The following PFDN2 variants were observed in gnomAD, a reference collection of about 807,000 sequenced individuals.
PFDN2 encodes the protein prefoldin 2.
PFDN2 carries 7 observed loss-of-function variants against 18.3 expected under a neutral mutation model. That is an observed-to-expected ratio of 0.38 (90% CI 0.22 to 0.72). PFDN2 has a LOEUF of 0.72. PFDN2 is among the 30% of genes least tolerant of loss of function. The pLI is 0.47. For missense variants in PFDN2, 181 were observed against 199.1 expected, an observed-to-expected ratio of 0.91 and a Z score of 0.55; for synonymous variants, 76 against 75.0, an observed-to-expected ratio of 1.01 and a Z score of -0.07.
rs772160399 is a variant in PFDN2 at position 161,102,326 on chromosome 1, G to T, written c.125C>A (p.Ser42Tyr). Reference protein sequence around the residue: ...RLRQEQRGLASKAAELEMELN... With the variant: ...RLRQEQRGLAYKAAELEMELN... ...CTCCATCTCCAACTCAGCTGCTTTG[G>T]ATGCCAGGCCTCGCTGTTCCTGCCG... Residue 42 changes from serine to tyrosine, a missense_variant, in exon 2 of 4, where the codon TCC becomes TAC. Transcript: ENST00000368010. The T allele has an allele frequency of 6.2e-7, 1 of 1,614,186 alleles. No individual in the cohort carries two copies. The highest frequency in any genetic ancestry group is 8.5e-7 in the Non-Finnish European group (1 of 1,180,026).
chr1:161,115,662 G>C (rs899839269), intron 1 of PFDN2, among the ~76,000 whole-genome samples: 16 of 152,276 alleles, frequency 1.1e-4, no homozygotes, highest in African/African-American at 3.6e-4. Context: ...CACAAGAAGG[G>C]TGAGTACAGT....
intron 1 of PFDN2, among the ~76,000 whole-genome samples, chr1:161,112,734 C>T (rs1458124044): frequency 6.6e-6 from 1 of 152,180 alleles, no homozygotes; most frequent in East Asian, 1.9e-4. Flanking sequence ...CAATAGTCTT[C>T]TAAATGATCC....
chr1:161,105,414 C>A (rs763514772), intron 1 of PFDN2, among the ~76,000 whole-genome samples: 3 of 152,186 alleles, frequency 2.0e-5, no homozygotes, highest in Non-Finnish European at 4.4e-5. Flanking sequence ...CCATGCCCAG[C>A]AGAATTTATT....
chr1:161,103,683 C>CAAAAAAAAAAAAAAAAAAAAAAAA (rs553472563), intron 1 of PFDN2, among the ~76,000 whole-genome samples: 2 of 74,914 alleles, frequency 2.7e-5, no homozygotes, highest in Non-Finnish European at 2.5e-5. Context: ...GACTCCGTCT[C>CAAAAAAAAAAAAAAAAAAAAAAAA]AAAAAAAAAA....
chr1:161,104,114 C>A (rs1654633167), intron 1 of PFDN2, among the ~76,000 whole-genome samples: 1 of 152,160 alleles, frequency 6.6e-6, no homozygotes, highest in Non-Finnish European at 1.5e-5. Flanking sequence ...TGGATTAACC[C>A]CTTTAAGCCT....
At chr1:161,106,736 A>T (rs1244742952) in intron 1 of PFDN2, among the ~76,000 whole-genome samples, 1 of 152,202 alleles carries the variant, frequency 6.6e-6, no homozygotes, top group Non-Finnish European at 1.5e-5. Context: ...TCCTGGGCTC[A>T]AGTGATCCTC....
chr1:161,110,327 C>A (rs1214457110), intron 1 of PFDN2, among the ~76,000 whole-genome samples: 1 of 152,084 alleles, frequency 6.6e-6, no homozygotes. Context: ...CACCACTGCA[C>A]TCCAGCCTGG....
intron 3 of PFDN2, among the ~76,000 whole-genome samples, chr1:161,101,781 TCTCA>T (rs1400797567): frequency 4.6e-5 from 7 of 151,286 alleles, no homozygotes; most frequent in Non-Finnish European, 3.0e-5. Flanking sequence ...TGAGACAGGG[TCTCA>T]CTCTGTCACC....
chr1:161,103,546 G>A (rs1331336325), intron 1 of PFDN2, among the ~76,000 whole-genome samples: 3 of 151,600 alleles, frequency 2.0e-5, no homozygotes, highest in South Asian at 2.1e-4. Flanking sequence ...AAAATTAGCC[G>A]GGCATGGTGG....
chr1:161,103,142 C>T (rs1654605875), intron 1 of PFDN2, among the ~76,000 whole-genome samples: 1 of 152,006 alleles, frequency 6.6e-6, no homozygotes, highest in Admixed American at 6.6e-5. Context: ...GGCTACTAAC[C>T]ACATGACCCC....
At chr1:161,111,570 A>G (rs1571188027) in intron 1 of PFDN2, among the ~76,000 whole-genome samples, 1 of 152,318 alleles carries the variant, frequency 6.6e-6, no homozygotes, top group Admixed American at 6.5e-5. Flanking sequence ...GTCTCCTAGG[A>G]AAAGATAATG....
chr1:161,101,163 A>G (rs1654549270), intron 3 of PFDN2, among the ~76,000 whole-genome samples: 1 of 152,096 alleles, frequency 6.6e-6, no homozygotes, highest in South Asian at 2.1e-4. Flanking sequence ...CGCTAGGAAT[A>G]CAGGCATGAG....
intron 1 of PFDN2, among the ~76,000 whole-genome samples, chr1:161,115,257 T>A (rs570895510): frequency 6.6e-6 from 1 of 152,202 alleles, no homozygotes; most frequent in African/African-American, 2.4e-5. Context: ...AGCGATGGGG[T>A]TTCGCCATGT....
intron 3 of PFDN2, 134 bp from the exon 4 acceptor site, chr1:161,100,993 A>G (rs549675728): frequency 5.9e-5 from 36 of 614,264 alleles, no homozygotes; most frequent in Non-Finnish European, 1.0e-4. Flanking sequence ...AGACATTAAA[A>G]TTATTCCTTT....
At chr1:161,104,929 T>C (rs1557962751) in intron 1 of PFDN2, among the ~76,000 whole-genome samples, 1 of 152,216 alleles carries the variant, frequency 6.6e-6, no homozygotes, top group African/African-American at 2.4e-5. Flanking sequence ...AGCCATTCAT[T>C]TCAACAAATG....
chr1:161,104,658 G>T (rs1654644589), intron 1 of PFDN2, among the ~76,000 whole-genome samples: 1 of 151,844 alleles, frequency 6.6e-6, no homozygotes, highest in South Asian at 2.1e-4. Context: ...CAAACTCCTG[G>T]GCTCAAGTGC....
intron 1 of PFDN2, among the ~76,000 whole-genome samples, chr1:161,109,599 T>C (rs567976817): frequency 2.0e-5 from 3 of 152,264 alleles, no homozygotes; most frequent in Non-Finnish European, 2.9e-5. Context: ...TGCTAGACTA[T>C]CTCATTTAAT....
At chr1:161,117,819 G>A (rs1571193820) in intron 1 of PFDN2, 133 bp downstream of exon 1, 1 of 811,680 alleles carries the variant, frequency 1.2e-6, no homozygotes, top group East Asian at 2.9e-5. Flanking sequence ...TAGCTTTTCC[G>A]GGGACCCTTC....
At chr1:161,102,264 TTG>T in intron 2 of PFDN2, 21 bp downstream of exon 2, 1 of 1,613,078 alleles carries the variant, frequency 6.2e-7, no homozygotes, top group Non-Finnish European at 8.5e-7. Context: ...GTCCTACTGT[TTG>T]CCTCTCCCTG....
Sources: allele counts gnomAD v4.1 joint callset (sites outside exome capture counted in the v4.1 genomes callset), GRCh38; gene constraint gnomAD v4.1.1; transcripts MANE v1.5; gene names NCBI Gene and HGNC (gene_info 2026-07-23, HGNC 2026-07-21).